The following HTR1F variants were observed in gnomAD, a reference collection of about 807,000 sequenced individuals.
HTR1F encodes 5-hydroxytryptamine receptor 1F.
In HTR1F, 17 loss-of-function variants were observed where a neutral mutation model predicts 24.0. The ratio of observed to expected loss-of-function variants is 0.71; its 90% confidence interval spans 0.48 to 1.06. The LOEUF (loss-of-function observed/expected upper bound fraction) is 1.06. HTR1F is among the 50% of genes least tolerant of loss of function. The probability of loss-of-function intolerance (pLI) is 0.00; values close to 1 mark genes in which losing one functional copy is unlikely to be tolerated. For synonymous variants in HTR1F, 186 were observed against 156.8 expected (o/e 1.19, Z -1.39); for missense variants, 391 against 427.8 (o/e 0.91, Z 0.76).
chr3:87,843,972 ATGC>A (rs1331250104), intron 2 of HTR1F, among the ~76,000 whole-genome samples: 1 of 150,904 alleles, frequency 6.6e-6, no homozygotes, highest in Non-Finnish European at 1.5e-5. Context: ...ATTGTGAATA[ATGC>A]TGCAATAAAC....
intron 2 of HTR1F, among the ~76,000 whole-genome samples, chr3:87,983,013 C>A (rs1430930840): frequency 6.6e-6 from 1 of 152,026 alleles, no homozygotes. Context: ...TTGGGGAGCA[C>A]GTGAATATAT....
At chr3:87,882,982 G>C (rs569628198) in intron 2 of HTR1F, among the ~76,000 whole-genome samples, 1 of 152,166 alleles carries the variant, frequency 6.6e-6, no homozygotes, top group African/African-American at 2.4e-5. Flanking sequence ...CTCTGAGGAC[G>C]GACAGACTGC....
At chr3:87,959,983 A>C (rs1398117832) in intron 2 of HTR1F, among the ~76,000 whole-genome samples, 1 of 152,034 alleles carries the variant, frequency 6.6e-6, no homozygotes, top group African/African-American at 2.4e-5. Context: ...TGTTGAATAA[A>C]TAGTAACATT....
chr3:87,795,059 C>T (rs998654740), intron 1 of HTR1F, among the ~76,000 whole-genome samples: 1 of 134,672 alleles, frequency 7.4e-6, no homozygotes, highest in African/African-American at 2.8e-5. Flanking sequence ...ACAATCTCGG[C>T]TCACTGCAAC....
At chr3:87,903,569 A>T (rs1222683304) in intron 2 of HTR1F, among the ~76,000 whole-genome samples, 1 of 151,074 alleles carries the variant, frequency 6.6e-6, no homozygotes. Flanking sequence ...TCAAAACCAC[A>T]ATGAGATACC....
chr3:87,802,845 C>A (rs771034800), intron 1 of HTR1F, among the ~76,000 whole-genome samples: 1 of 152,104 alleles, frequency 6.6e-6, no homozygotes, highest in African/African-American at 2.4e-5. Context: ...TAATAAGTCG[C>A]AGATTTGGAA....
intron 2 of HTR1F, among the ~76,000 whole-genome samples, chr3:87,826,392 C>A (rs533536666): frequency 3.3e-5 from 5 of 152,162 alleles, no homozygotes; most frequent in Non-Finnish European, 7.4e-5. Context: ...ATAGCTTTTT[C>A]TACTCTACCC....
intron 2 of HTR1F, among the ~76,000 whole-genome samples, chr3:87,971,336 G>A (rs1705281756): frequency 6.6e-6 from 1 of 152,074 alleles, no homozygotes; most frequent in Admixed American, 6.5e-5. Flanking sequence ...GAGAGGCCGA[G>A]GCAGGAGGAT....
intron 2 of HTR1F, among the ~76,000 whole-genome samples, chr3:87,936,013 G>T (rs760794530): frequency 3.9e-5 from 6 of 152,082 alleles, no homozygotes; most frequent in Non-Finnish European, 5.9e-5. Flanking sequence ...ACTACATCTG[G>T]CTAATTTTTC....
At chr3:87,805,590 T>C (rs1575889264) in intron 1 of HTR1F, among the ~76,000 whole-genome samples, 1 of 152,110 alleles carries the variant, frequency 6.6e-6, no homozygotes, top group African/African-American at 2.4e-5. Context: ...TCAGGATATT[T>C]AGAGCATCTA....
At position 87,991,654 on chromosome 3, in the gene HTR1F, T is replaced by C; in HGVS notation, c.905T>C (p.Phe302Ser). ...ATTLGLILGAFVICWLPFFVK... is the reference protein window; with the variant it reads ...ATTLGLILGASVICWLPFFVK... ...ACCCTGGGATTAATCTTGGGTGCAT[T>C]TGTAATATGTTGGCTTCCTTTTTTT... is the stretch of plus-strand genomic sequence containing the variant. The change falls in exon 3 of 3, where the codon TTT becomes TCT. Residue 302 changes from phenylalanine (F) to serine (S), a missense_variant. Coordinates refer to ENST00000319595, the MANE Select transcript of HTR1F (RefSeq NM_001322209.2). The C allele has an allele frequency of 6.2e-7, 1 of 1,613,190 alleles. No homozygotes were observed. The highest frequency in any genetic ancestry group is 8.5e-7 in the Non-Finnish European group (1 of 1,179,456).
chr3:87,864,835 G>GCA (rs1705389632), intron 2 of HTR1F, among the ~76,000 whole-genome samples: 1 of 150,828 alleles, frequency 6.6e-6, no homozygotes, highest in Non-Finnish European at 1.5e-5. Flanking sequence ...GGCAAAGGTT[G>GCA]CAGTGAGCTG....
chr3:87,866,719 T>C (rs961832529), intron 2 of HTR1F, among the ~76,000 whole-genome samples: 1 of 151,908 alleles, frequency 6.6e-6, no homozygotes, highest in African/African-American at 2.4e-5. Context: ...TTTCTTACAG[T>C]TATTGACTAC....
chr3:87,917,356 G>C (rs1428626483), intron 2 of HTR1F, among the ~76,000 whole-genome samples: 2 of 140,984 alleles, frequency 1.4e-5, no homozygotes, highest in Non-Finnish European at 3.1e-5. Context: ...AAATAACCAA[G>C]ATCAGAGCAG....
chr3:87,912,907 C>T (rs1337386745), intron 2 of HTR1F, among the ~76,000 whole-genome samples: 1 of 152,040 alleles, frequency 6.6e-6, no homozygotes, highest in African/African-American at 2.4e-5. Flanking sequence ...TGAAATTGGA[C>T]CCCTTCCTTA....
intron 2 of HTR1F, among the ~76,000 whole-genome samples, chr3:87,947,305 G>GA (rs1160397273): frequency 1.3e-5 from 2 of 152,040 alleles, no homozygotes; most frequent in Non-Finnish European, 2.9e-5. Context: ...TAAAAGACAG[G>GA]AAAAAAAGTG....
intron 1 of HTR1F, among the ~76,000 whole-genome samples, chr3:87,797,217 CAT>C (rs1174984005): frequency 6.6e-6 from 1 of 152,118 alleles, no homozygotes; most frequent in African/African-American, 2.4e-5. Context: ...TAGGGAAAAA[CAT>C]AGTGTGTATA....
At chr3:87,962,959 TA>T (rs940697765) in intron 2 of HTR1F, among the ~76,000 whole-genome samples, 31 of 150,996 alleles carry the variant, frequency 2.1e-4, no homozygotes, top group African/African-American at 4.7e-4. Flanking sequence ...GAAAATTATG[TA>T]TTTTTTTTAC....
chr3:87,845,926 A>G (rs763768827), intron 2 of HTR1F, among the ~76,000 whole-genome samples: 17 of 151,958 alleles, frequency 1.1e-4, no homozygotes, highest in Non-Finnish European at 1.8e-4. Context: ...CCTTAGGAGC[A>G]TGGATTTTAG....
Sources: gnomAD v4.1 joint callset for allele counts (sites outside exome capture counted in the v4.1 genomes callset) on GRCh38, gnomAD v4.1.1 for gene constraint, MANE v1.5 for transcripts, NCBI Gene and HGNC (gene_info 2026-07-23, HGNC 2026-07-21) for gene names.